RHD: variants seen among roughly 807,000 people sequenced by gnomAD.
The protein encoded by RHD is blood group Rh(D) polypeptide.
A neutral mutation model predicts 45.5 loss-of-function variants in RHD; 16 were observed. The ratio of observed to expected loss-of-function variants is 0.35; its 90% CI spans 0.24 to 0.53. RHD has a LOEUF of 0.53. Ranked by LOEUF, RHD falls within the 20% of genes least tolerant of loss-of-function variation. RHD has a pLI of 0.92. For missense variants in RHD, 306 were observed against 532.0 expected, an observed-to-expected ratio of 0.58 and a Z score of 4.18; for synonymous variants, 131 against 217.5, an observed-to-expected ratio of 0.60 and a Z score of 3.50.
chr1:25,316,052 C>T lies in RHD; in HGVS notation c.1074-948C>T, dbSNP rs1182263672. Among the ~76,000 whole-genome samples the T allele has an allele frequency of 3.1e-5, 4 of 131,036 alleles. 2 individuals are homozygous for T. The highest frequency in any genetic ancestry group is 7.2e-5 in the Non-Finnish European group (4 of 55,546). 86.0% of individuals were successfully genotyped at this position (131,036 alleles called of 152,430 possible). ...AAACAGGAAAGGCTTAAAAAACTGG[C>T]TTGTTATGTACAACTATCCGTGGGG... On this transcript the variant is annotated intron_variant, in intron 7 of 9. Coordinates refer to ENST00000328664, the MANE Select transcript of RHD (RefSeq NM_016124.6).
At chr1:25,276,417 A>T (rs755082772) in intron 1 of RHD, among the ~76,000 whole-genome samples, 1 of 91,756 alleles carries the variant, frequency 1.1e-5, no homozygotes, top group African/African-American at 6.8e-5. Context: ...ATAGTTAATT[A>T]AAAAAAAAAA....
At position 25,300,913 on chromosome 1, in the gene RHD, G is replaced by T; in HGVS notation, c.487-33G>T. The T allele has an allele frequency of 1.5e-6, 2 of 1,370,558 alleles. 1 individual carries two copies. Among genetic ancestry groups the T allele is most frequent in the Non-Finnish European group, 2.1e-6 (2 of 974,936 alleles). The allele number at this position is 1,370,558 out of a possible 1,614,324, so 84.9% of individuals were successfully genotyped here. On this transcript the variant is annotated intron_variant, in intron 3 of 9. Coordinates refer to ENST00000328664, the MANE Select transcript of RHD (RefSeq NM_016124.6). Reference sequence around the variant, plus strand: ...GGGCTTGCCCCGGGCAGAGGATGCCGACACTCACTGCTCTTACTGGGTTTT... The same window carrying T: ...GGGCTTGCCCCGGGCAGAGGATGCCTACACTCACTGCTCTTACTGGGTTTT...
At chr1:25,294,308 A>G (rs1642752721) in intron 3 of RHD, 1 of 1,240,378 alleles carries the variant, frequency 8.1e-7, no homozygotes, top group South Asian at 1.2e-5. Flanking sequence ...GAACATAATC[A>G]GTAACAACTT....
In RHD at chr1:25,280,605, CTTTTTT is replaced by C. The variant is rs71014346; in HGVS notation, c.149-3953_149-3948del. Among the ~76,000 whole-genome samples, 2 of 60,734 alleles carry C rather than the reference CTTTTTT, an allele frequency of 3.3e-5. 1 individual carries two copies. Among genetic ancestry groups the C allele is most frequent in the Non-Finnish European group, 8.1e-5 (2 of 24,542 alleles). The allele number at this position is 60,734 out of a possible 152,430, so 39.8% of individuals were successfully genotyped here. A position where few individuals can be genotyped will look rare whatever the true frequency, so the allele number is the denominator to read the frequency against. On this transcript the variant is annotated intron_variant, in intron 1 of 9. Transcript: ENST00000328664. Reference sequence around the variant, plus strand: ...ACAGACATAAGCCACTGTGCCTGGCCTTTTTTTTTTTTTTTTTTTTGTAAACAGGGT... The same window carrying C: ...ACAGACATAAGCCACTGTGCCTGGCCTTTTTTTTTTTTTTGTAAACAGGGT...
chr1:25,314,583 T>C (rs1644337400), intron 7 of RHD, among the ~76,000 whole-genome samples: 1 of 132,870 alleles, frequency 7.5e-6, no homozygotes, highest in African/African-American at 2.6e-5. Flanking sequence ...AACCTCTGCC[T>C]CCCAGCTTCA....
chr1:25,314,738 T>C lies in RHD; in HGVS notation c.1074-2262T>C, dbSNP rs1644348141. On this transcript the variant is annotated intron_variant, in intron 7 of 9. Coordinates refer to ENST00000328664, the MANE Select transcript of RHD (RefSeq NM_016124.6). ...ACAGGCTGATCTTGGACTCCTGGCC[T>C]CAACTTTGGCCCACCTTGGCCTCCC... Among the ~76,000 whole-genome samples, 2 of 131,890 alleles carry C rather than the reference T, an allele frequency of 1.5e-5. 1 individual carries two copies. Among genetic ancestry groups the C allele is most frequent in the African/African-American group, 5.2e-5 (2 of 38,732 alleles). 86.5% of individuals were successfully genotyped at this position (131,890 alleles called of 152,430 possible). A position where few individuals can be genotyped will look rare whatever the true frequency, so the allele number is the denominator to read the frequency against.
At chr1:25,283,674 G>A (rs1403516812) in intron 1 of RHD, among the ~76,000 whole-genome samples, 2 of 134,028 alleles carry the variant, frequency 1.5e-5, no homozygotes, top group African/African-American at 2.6e-5. Flanking sequence ...GATAGTCTAT[G>A]TAAAGTGATT....
intron 3 of RHD, among the ~76,000 whole-genome samples, chr1:25,296,304 T>C (rs191020613): frequency 7.9e-6 from 1 of 126,058 alleles, no homozygotes; most frequent in Admixed American, 7.7e-5. Context: ...TGGAGTGCGG[T>C]GGTGTGATCT....
chr1:25,321,142 G>A, intron 8 of RHD, among the ~76,000 whole-genome samples: 1 of 130,550 alleles, frequency 7.7e-6, no homozygotes, highest in Admixed American at 7.5e-5. Flanking sequence ...TACACAAGTG[G>A]AATCTTAAGC....
chr1:25,301,663 C>T lies in RHD; in HGVS notation c.778C>T (p.His260Tyr). Reference protein sequence around the residue: ...VTAISGSSLAHPQGKISKTYV... With the variant: ...VTAISGSSLAYPQGKISKTYV... ...AGCCATCTCAGGGTCATCCTTGGCT[C>T]ACCCCCAAGGGAAGATCAGCAAGGT... The change falls in exon 5 of 10, where the codon CAC becomes TAC. Residue 260 changes from histidine (H) to tyrosine (Y), a missense_variant. Physicochemically the swap from His to Tyr is moderately conservative, Grantham distance 83. Transcript: ENST00000328664. The T allele has an allele frequency of 6.5e-6, 9 of 1,380,078 alleles. 3 individuals are homozygous for T. Among genetic ancestry groups the T allele is most frequent in the Non-Finnish European group, 8.2e-6 (8 of 979,018 alleles). The allele number at this position is 1,380,078 out of a possible 1,614,324, so 85.5% of individuals were successfully genotyped here.
rs1333977714 is a variant in RHD, at chr1:25,314,332, C to G, written c.1074-2668C>G. ...CTCCAATAACTAACTAAATGGAGCA[C>G]TTTTAATATGCTTTTTGGACAGTTG... On this transcript the variant is annotated intron_variant, in intron 7 of 9. Transcript: ENST00000328664. Among the ~76,000 whole-genome samples the G allele has an allele frequency of 1.3e-4, 17 of 132,854 alleles. 4 individuals are homozygous for G. Among genetic ancestry groups the G allele is most frequent in the Admixed American group, 2.9e-4 (4 of 13,652 alleles). 87.2% of individuals were successfully genotyped at this position (132,854 alleles called of 152,430 possible). A position where few individuals can be genotyped will look rare whatever the true frequency, so the allele number is the denominator to read the frequency against.
chr1:25,292,766 A>G (rs576286974), intron 3 of RHD, among the ~76,000 whole-genome samples: 2 of 123,896 alleles, frequency 1.6e-5, no homozygotes, highest in East Asian at 3.9e-4. Flanking sequence ...GGGAGTTGTT[A>G]CAATACAGAT....
intron 7 of RHD, among the ~76,000 whole-genome samples, chr1:25,311,949 A>G (rs1174746257): frequency 7.7e-6 from 1 of 129,892 alleles, no homozygotes; most frequent in African/African-American, 2.7e-5. Context: ...AGCAGGGTCT[A>G]GTGGAGCTAC....
Position 25,278,196 on chromosome 1 carries a change from G to A in RHD, c.148+5501G>A, listed in dbSNP as rs189115020. Among the ~76,000 whole-genome samples, 536 of 129,792 alleles carry A rather than the reference G, an allele frequency of 4.1e-3. 127 individuals carry two copies. The highest frequency in any genetic ancestry group is 1.1e-3 in the Non-Finnish European group (63 of 54,966). 85.1% of individuals were successfully genotyped at this position (129,792 alleles called of 152,430 possible). On this transcript the variant is annotated intron_variant, in intron 1 of 9. Transcript: ENST00000328664. Reference sequence around the variant, plus strand: ...ATAAGTCAGCTGTACTTGATGAAAAGAGTGGGGAGTTAAGGCTGGCTGCAG... The same window carrying A: ...ATAAGTCAGCTGTACTTGATGAAAAAAGTGGGGAGTTAAGGCTGGCTGCAG...
At position 25,295,863 on chromosome 1, in the gene RHD, T is replaced by G. The variant is rs1276367584; in HGVS notation, c.486+5072T>G. ...GGAATATGGGAAATTTTTTTTTTTTTTTTTTTTTTTTTTTTTGAGATGGAG... is the reference window on the plus strand; with the variant it reads ...GGAATATGGGAAATTTTTTTTTTTTGTTTTTTTTTTTTTTTTGAGATGGAG... On this transcript the variant is annotated intron_variant, in intron 3 of 9. Coordinates refer to ENST00000328664, the MANE Select transcript of RHD (RefSeq NM_016124.6). Among the ~76,000 whole-genome samples the G allele has an allele frequency of 1.2e-3, 124 of 103,910 alleles. 8 individuals carry two copies. Among genetic ancestry groups the G allele is most frequent in the African/African-American group, 3.7e-3 (111 of 30,096 alleles). The allele number at this position is 103,910 out of a possible 152,430, so 68.2% of individuals were successfully genotyped here. A position where few individuals can be genotyped will look rare whatever the true frequency, so the allele number is the denominator to read the frequency against.
rs1158396877 is a variant in RHD at position 25,315,853 on chromosome 1, A to T, written c.1074-1147A>T. Among the ~76,000 whole-genome samples the T allele has an allele frequency of 1.5e-5, 2 of 130,746 alleles. 1 individual carries two copies. Among genetic ancestry groups the T allele is most frequent in the Non-Finnish European group, 3.6e-5 (2 of 55,494 alleles). 85.8% of individuals were successfully genotyped at this position (130,746 alleles called of 152,430 possible). On this transcript the variant is annotated intron_variant, in intron 7 of 9. Coordinates refer to ENST00000328664, the MANE Select transcript of RHD (RefSeq NM_016124.6). ...TTTTAATTCTCTCCACTCTCCTATG[A>T]TCTTATGAGGTAGGGACTGTCATTA...
chr1:25,287,998 C>T (rs1368443242), intron 2 of RHD, among the ~76,000 whole-genome samples: 1 of 132,970 alleles, frequency 7.5e-6, no homozygotes, highest in Non-Finnish European at 1.8e-5. Flanking sequence ...ACTGGGATTA[C>T]AGGCGTGAGC....
In RHD at chr1:25,284,810, C is replaced by T. The variant is rs368027003; in HGVS notation, c.335+51C>T. On this transcript the variant is annotated intron_variant, in intron 2 of 9. Coordinates refer to ENST00000328664, the MANE Select transcript of RHD (RefSeq NM_016124.6). The stretch of plus-strand genomic sequence containing the variant: ...TCTGGGTCATAGAGGGAATGGACCC[C>T]GAAAGGACAGGTTCCAGAAGATCTG... The T allele has an allele frequency of 4.1e-3, 5,458 of 1,339,170 alleles. 808 individuals are homozygous for T. The African/African-American group carries it at 0.065, about 16-fold the overall frequency. 83.0% of individuals were successfully genotyped at this position (1,339,170 alleles called of 1,614,324 possible).
At position 25,313,886 on chromosome 1, in the gene RHD, A is replaced by C. The variant is rs1644291428; in HGVS notation, c.1074-3114A>C. Among the ~76,000 whole-genome samples the C allele has an allele frequency of 3.8e-5, 5 of 133,230 alleles. 2 individuals are homozygous for C. Among genetic ancestry groups the C allele is most frequent in the Admixed American group, 3.7e-4 (5 of 13,654 alleles). 87.4% of individuals were successfully genotyped at this position (133,230 alleles called of 152,430 possible). On this transcript the variant is annotated intron_variant, in intron 7 of 9. Coordinates refer to ENST00000328664, the MANE Select transcript of RHD (RefSeq NM_016124.6). ...TGGCCATTAGTGTGGCCCTGTCATAAATGAATGCCAGATAGGCAAATAGAG... is the reference window on the plus strand; with the variant it reads ...TGGCCATTAGTGTGGCCCTGTCATACATGAATGCCAGATAGGCAAATAGAG...
Sources: allele counts gnomAD v4.1 joint callset (sites outside exome capture counted in the v4.1 genomes callset), GRCh38; gene constraint gnomAD v4.1.1; transcripts MANE v1.5; gene names NCBI Gene and HGNC (gene_info 2026-07-23, HGNC 2026-07-21).